Variants in SYT13 observed in about 807,000 individuals in gnomAD.
SYT13 encodes the protein synaptotagmin-13.
A neutral mutation model predicts 38.6 loss-of-function variants in SYT13; 21 were observed. The ratio of observed to expected loss-of-function variants is 0.54; its 90% confidence interval spans 0.39 to 0.78. SYT13 has a LOEUF of 0.78. SYT13 is among the 30% of genes least tolerant of loss of function. The probability of loss-of-function intolerance (pLI) is 0.00; values close to 1 mark genes in which losing one functional copy is unlikely to be tolerated. For synonymous variants in SYT13, 241 were observed against 237.6 expected (o/e 1.01, Z -0.13); for missense variants, 495 against 548.7 (o/e 0.90, Z 0.98).
chr11:45,261,558 A>G (rs1031520577), intron 1 of SYT13, among the ~76,000 whole-genome samples: 4 of 151,938 alleles, frequency 2.6e-5, no homozygotes, highest in African/African-American at 4.8e-5. Context: ...AGATCGCGCC[A>G]CTGCACTCCA....
intron 1 of SYT13, among the ~76,000 whole-genome samples, chr11:45,272,724 AT>A (rs1450978237): frequency 6.6e-6 from 1 of 152,098 alleles, no homozygotes; most frequent in African/African-American, 2.4e-5. Context: ...AATGAGAACT[AT>A]TTTTCCTCAG....
chr11:45,242,969 T>C lies in SYT13; in HGVS notation c.*1083A>G, dbSNP rs1854569801. ...AGACCTGATTTCCTTTTTAAAATTA[T>C]CTTTCTTCTCTACCTACATGTAGCC... is the stretch of plus-strand genomic sequence containing the variant. On this transcript the variant is annotated 3_prime_UTR_variant, in exon 6 of 6. Coordinates refer to ENST00000020926, the MANE Select transcript of SYT13 (RefSeq NM_020826.3). 1 of 152,212 alleles carries C rather than the reference T, an allele frequency of 6.6e-6. No individual in the cohort carries two copies. Among genetic ancestry groups the C allele is most frequent in the African/African-American group, 2.4e-5 (1 of 41,450 alleles). 9.4% of individuals were successfully genotyped at this position (152,212 alleles called of 1,614,324 possible).
chr11:45,263,307 A>G (rs1854842467), intron 1 of SYT13, among the ~76,000 whole-genome samples: 1 of 152,196 alleles, frequency 6.6e-6, no homozygotes, highest in Admixed American at 6.5e-5. Flanking sequence ...AAACTTAATT[A>G]TGTAGTTAAT....
intron 4 of SYT13, among the ~76,000 whole-genome samples, chr11:45,249,898 A>C (rs1294699788): frequency 2.0e-5 from 3 of 152,196 alleles, no homozygotes; most frequent in Non-Finnish European, 4.4e-5. Context: ...AAAATATAAT[A>C]ATAATAATCA....
At chr11:45,279,439 T>C (rs985339999) in intron 1 of SYT13, among the ~76,000 whole-genome samples, 9 of 151,904 alleles carry the variant, frequency 5.9e-5, no homozygotes, top group African/African-American at 2.2e-4. Context: ...TAAAAGAAAT[T>C]AGCCAGGTAC....
chr11:45,274,892 T>C (rs925293733), intron 1 of SYT13, among the ~76,000 whole-genome samples: 3 of 152,164 alleles, frequency 2.0e-5, no homozygotes, highest in African/African-American at 4.8e-5. Flanking sequence ...TATTACCTCA[T>C]TGGCCTTGCA....
chr11:45,257,508 G>T (rs1854763755), intron 1 of SYT13, among the ~76,000 whole-genome samples: 1 of 152,214 alleles, frequency 6.6e-6, no homozygotes, highest in African/African-American at 2.4e-5. Context: ...CTGGCAGCAG[G>T]ACTCAGGCTG....
intron 1 of SYT13, among the ~76,000 whole-genome samples, chr11:45,261,372 A>G (rs1854812426): frequency 6.6e-6 from 1 of 152,196 alleles, no homozygotes; most frequent in Admixed American, 6.5e-5. Flanking sequence ...CGGGTAGATC[A>G]CTAGGTCAGG....
In SYT13 at chr11:45,279,426, A is replaced by G. The variant is rs374370820; in HGVS notation, c.183+6599T>C. On this transcript the variant is annotated intron_variant, in intron 1 of 5. Coordinates refer to ENST00000020926, the MANE Select transcript of SYT13 (RefSeq NM_020826.3). ...GTGAGACCCTCTCTACAAAAAATAAATTTAAAAGAAATTAGCCAGGTACGG... is the reference window on the plus strand; with the variant it reads ...GTGAGACCCTCTCTACAAAAAATAAGTTTAAAAGAAATTAGCCAGGTACGG... Among the ~76,000 whole-genome samples the G allele has an allele frequency of 1.4e-4, 21 of 152,236 alleles. No homozygotes were observed. The East Asian group carries it at 3.7e-3, about 27-fold the overall frequency.
chr11:45,246,326 C>A, intron 5 of SYT13, 57 bp downstream of exon 5: 1 of 1,596,922 alleles, frequency 6.3e-7, no homozygotes, highest in South Asian at 1.1e-5. Flanking sequence ...CCACCTCCCT[C>A]AGCACACACT....
intron 1 of SYT13, among the ~76,000 whole-genome samples, chr11:45,256,601 T>C (rs1405846562): frequency 2.0e-5 from 3 of 152,196 alleles, no homozygotes; most frequent in Non-Finnish European, 2.9e-5. Flanking sequence ...TCCCACTCTT[T>C]GCTTCACAGC....
chr11:45,253,175 T>C (rs1280604724), intron 3 of SYT13, among the ~76,000 whole-genome samples: 2 of 152,212 alleles, frequency 1.3e-5, no homozygotes, highest in African/African-American at 2.4e-5. Context: ...GTGTTTTCAA[T>C]GCTTCACAAT....
intron 1 of SYT13, among the ~76,000 whole-genome samples, chr11:45,279,921 A>G (rs1300308410): frequency 6.6e-6 from 1 of 152,126 alleles, no homozygotes; most frequent in Admixed American, 6.5e-5. Flanking sequence ...AACAACCTGC[A>G]CTGGAGAAAA....
chr11:45,281,850 G>C (rs1435285104), intron 1 of SYT13, among the ~76,000 whole-genome samples: 3 of 152,170 alleles, frequency 2.0e-5, no homozygotes, highest in African/African-American at 7.2e-5. Flanking sequence ...AGAAAACTAG[G>C]CCATGAAAAA....
chr11:45,246,664 CAGAAG>C, intron 4 of SYT13, 152 bp from the exon 5 acceptor site: 3 of 1,120,490 alleles, frequency 2.7e-6, no homozygotes, highest in Non-Finnish European at 3.7e-6. Flanking sequence ...TCCACCCTTG[CAGAAG>C]AGAGCAAGGC....
intron 4 of SYT13, among the ~76,000 whole-genome samples, chr11:45,251,128 G>T (rs1361517311): frequency 6.6e-6 from 1 of 152,040 alleles, no homozygotes; most frequent in Admixed American, 6.6e-5. Flanking sequence ...AGTGACTCAT[G>T]CCTGTAATCC....
rs563543910 is a variant in SYT13 at position 45,269,172 on chromosome 11, C to T, written c.184-13281G>A. 2.0e-5 allele frequency among the ~76,000 whole-genome samples: 3 copies of T among 152,212 alleles called. No individual in the cohort carries two copies. In the South Asian group the frequency reaches 6.2e-4, roughly 32 times the overall value. On this transcript the variant is annotated intron_variant, in intron 1 of 5. Coordinates refer to ENST00000020926, the MANE Select transcript of SYT13 (RefSeq NM_020826.3). ...GTAGAGAAATTGGAGAGGGGCATTC[C>T]GCCAAGATGGCAGAAGGAAAGTTTG...
chr11:45,243,526 C>A lies in SYT13; in HGVS notation c.*526G>T, dbSNP rs1854577911. 1 of 152,674 alleles carries A rather than the reference C, an allele frequency of 6.5e-6. No homozygotes were observed. Among genetic ancestry groups the A allele is most frequent in the Admixed American group, 6.5e-5 (1 of 15,316 alleles). The allele number at this position is 152,674 out of a possible 1,614,324, so 9.5% of individuals were successfully genotyped here. A position where few individuals can be genotyped will look rare whatever the true frequency, so the allele number is the denominator to read the frequency against. On this transcript the variant is annotated 3_prime_UTR_variant, in exon 6 of 6. Coordinates refer to ENST00000020926, the MANE Select transcript of SYT13 (RefSeq NM_020826.3). ...AATACCGACTAGGAATGTCTCCAGG[C>A]GAGCCCAGGAATCTGCTGGTGACTC...
rs1304999756 is a variant in SYT13, at chr11:45,286,010, G to A, written c.183+15C>T. 2 of 1,600,550 alleles carry A rather than the reference G, an allele frequency of 1.2e-6. No individual in the cohort carries two copies. On this transcript the variant is annotated intron_variant, in intron 1 of 5. Coordinates refer to ENST00000020926, the MANE Select transcript of SYT13 (RefSeq NM_020826.3). ...CGCCTTGCCCGGGAAGGGCCTGCGCGCCGCCCCCGCTCACCTGTTGTGCAG... is the reference window on the plus strand; with the variant it reads ...CGCCTTGCCCGGGAAGGGCCTGCGCACCGCCCCCGCTCACCTGTTGTGCAG...
Sources: allele counts gnomAD v4.1 joint callset (sites outside exome capture counted in the v4.1 genomes callset), GRCh38; gene constraint gnomAD v4.1.1; transcripts MANE v1.5; gene names NCBI Gene and HGNC (gene_info 2026-07-23, HGNC 2026-07-21).